NBEA: variants seen among roughly 807,000 people sequenced by gnomAD.
NBEA encodes the protein lysosomal-trafficking regulator 2.
NBEA carries 44 observed loss-of-function variants against 343.4 expected under a neutral mutation model. The ratio of observed to expected loss-of-function variants is 0.13; its 90% CI spans 0.10 to 0.16. NBEA has a LOEUF of 0.16. NBEA is among the 10% of genes least tolerant of loss of function. The pLI is 1.00. For missense variants in NBEA, 2,555 were observed against 3,631.3 expected (o/e 0.70, Z 7.62); for synonymous variants, 1,175 against 1,238.7 (o/e 0.95, Z 1.08).
intron 1 of NBEA, among the ~76,000 whole-genome samples, chr13:34,986,723 A>G (rs767674430): frequency 1.3e-5 from 2 of 150,812 alleles, no homozygotes; most frequent in African/African-American, 4.8e-5. Flanking sequence ...GTGCTCCTGT[A>G]TTGGGTGCAT....
intron 38 of NBEA, among the ~76,000 whole-genome samples, chr13:35,395,558 A>G (rs558118619): frequency 5.5e-4 from 84 of 152,222 alleles, no homozygotes; most frequent in African/African-American, 1.7e-3. Flanking sequence ...ATTTCTTTAC[A>G]GTAGTGCAAG....
chr13:35,450,595 G>A (rs1321411638), intron 39 of NBEA, among the ~76,000 whole-genome samples: 4 of 152,082 alleles, frequency 2.6e-5, no homozygotes, highest in Admixed American at 1.3e-4. Context: ...GTACACTTTC[G>A]ACCAAAGGCA....
At chr13:35,668,642 A>G in intron 58 of NBEA, 123 bp downstream of exon 58, 1 of 989,312 alleles carries the variant, frequency 1.0e-6, no homozygotes, top group Non-Finnish European at 1.4e-6. Flanking sequence ...AAGACTGGCA[A>G]AGAAAAGGGG....
chr13:35,182,239 T>C (rs1007056997), intron 28 of NBEA, 121 bp from the exon 29 acceptor site: 1 of 487,570 alleles, frequency 2.1e-6, no homozygotes, highest in African/African-American at 2.0e-5. Context: ...TAGCAGGTTT[T>C]CATAAAAGTT....
chr13:35,136,637 T>G (rs918457067), intron 17 of NBEA, among the ~76,000 whole-genome samples: 2 of 152,284 alleles, frequency 1.3e-5, no homozygotes, highest in Non-Finnish European at 1.5e-5. Flanking sequence ...TTTCAAATGG[T>G]TAAACATTTG....
At chr13:35,208,090 C>T (rs2073516565) in intron 31 of NBEA, among the ~76,000 whole-genome samples, 1 of 151,896 alleles carries the variant, frequency 6.6e-6, no homozygotes, top group Non-Finnish European at 1.5e-5. Context: ...TGTGGTGGCA[C>T]GTAGCTGTAA....
At chr13:35,531,197 GA>G (rs926244575) in intron 41 of NBEA, among the ~76,000 whole-genome samples, 235 of 146,946 alleles carry the variant, frequency 1.6e-3, no homozygotes, top group South Asian at 5.3e-3. Flanking sequence ...GAATTGGAAA[GA>G]AAAAAAAAAA....
chr13:35,649,807 C>T lies in NBEA; in HGVS notation c.7923C>T (p.Cys2641=), dbSNP rs1383740803. 6.2e-7 allele frequency: 1 copy of T among 1,613,996 alleles called. No homozygotes were observed. The highest frequency in any genetic ancestry group is 8.5e-7 in the Non-Finnish European group (1 of 1,179,892). The change falls in exon 52 of 59, where the codon TGC becomes TGT. Residue 2641 remains cysteine, a synonymous_variant. Transcript: ENST00000379939. ...LTIPAVVTVT[C]SRLFAVNRWH... ...TCCCCGCAGTGGTGACAGTGACTTGCAGCCGACTCTTTGCAGTGAATAGAT... is the reference window on the plus strand; with the variant it reads ...TCCCCGCAGTGGTGACAGTGACTTGTAGCCGACTCTTTGCAGTGAATAGAT...
chr13:35,140,789 A>G (rs1253450600), intron 17 of NBEA, among the ~76,000 whole-genome samples: 4 of 152,218 alleles, frequency 2.6e-5, no homozygotes. Flanking sequence ...AGTAGCTGCC[A>G]TAACTGATAA....
chr13:35,516,412 T>C (rs894859932), intron 41 of NBEA, among the ~76,000 whole-genome samples: 1 of 152,210 alleles, frequency 6.6e-6, no homozygotes, highest in African/African-American at 2.4e-5. Context: ...TATTGCATAC[T>C]GTCTCTCTGT....
At chr13:35,218,634 T>C (rs570294877) in intron 33 of NBEA, among the ~76,000 whole-genome samples, 2 of 152,038 alleles carry the variant, frequency 1.3e-5, no homozygotes, top group African/African-American at 2.4e-5. Flanking sequence ...GCTTCTTACC[T>C]ATTAATTATA....
intron 25 of NBEA, among the ~76,000 whole-genome samples, chr13:35,169,287 T>C (rs2070281188): frequency 6.6e-6 from 1 of 151,568 alleles, no homozygotes; most frequent in Non-Finnish European, 1.5e-5. Flanking sequence ...GTAAATTGGA[T>C]GAAATATATT....
At chr13:34,989,360 A>G (rs2060668085) in intron 1 of NBEA, among the ~76,000 whole-genome samples, 1 of 151,108 alleles carries the variant, frequency 6.6e-6, no homozygotes, top group South Asian at 2.1e-4. Flanking sequence ...ATCGATTCAC[A>G]TTTTCACAGG....
chr13:35,255,097 G>A (rs990670947), intron 34 of NBEA, among the ~76,000 whole-genome samples: 1 of 151,870 alleles, frequency 6.6e-6, no homozygotes, highest in African/African-American at 2.4e-5. Flanking sequence ...TTAATGAATC[G>A]ACCTCATGTT....
chr13:35,490,048 C>T (rs2076446798), intron 41 of NBEA, among the ~76,000 whole-genome samples: 1 of 151,856 alleles, frequency 6.6e-6, no homozygotes, highest in Non-Finnish European at 1.5e-5. Flanking sequence ...AACTTGCTTT[C>T]CTTTCCTGTT....
chr13:35,150,793 T>TTAGAGTAGAG (rs71078083), intron 18 of NBEA, among the ~76,000 whole-genome samples: 26,042 of 148,226 alleles, frequency 0.18, 2,561 homozygotes, highest in East Asian at 0.42. Flanking sequence ...TAATGATATT[T>TTAGAGTAGAG]TAGAGTAGAG....
intron 1 of NBEA, among the ~76,000 whole-genome samples, chr13:34,986,551 C>T (rs1174839942): frequency 6.6e-6 from 1 of 150,812 alleles, no homozygotes; most frequent in Non-Finnish European, 1.5e-5. Context: ...TCTATTAGGT[C>T]TGCTTGGTGC....
At chr13:35,612,299 A>C (rs1043350789) in intron 48 of NBEA, among the ~76,000 whole-genome samples, 1 of 151,654 alleles carries the variant, frequency 6.6e-6, no homozygotes, top group African/African-American at 2.4e-5. Context: ...CGCCCGGCTA[A>C]TTTTTTGTAT....
intron 38 of NBEA, among the ~76,000 whole-genome samples, chr13:35,352,774 T>C (rs1441160595): frequency 6.6e-6 from 1 of 152,146 alleles, no homozygotes; most frequent in African/African-American, 2.4e-5. Flanking sequence ...TTTTCTTTCA[T>C]AATTTTCTAT....
Sources: gnomAD v4.1 joint callset for allele counts (sites outside exome capture counted in the v4.1 genomes callset) on GRCh38, gnomAD v4.1.1 for gene constraint, MANE v1.5 for transcripts, NCBI Gene and HGNC (gene_info 2026-07-23, HGNC 2026-07-21) for gene names.